Variants in DGUOK observed in about 807,000 individuals in gnomAD.
DGUOK encodes the protein deoxyguanosine kinase, mitochondrial.
In DGUOK, 30 loss-of-function variants were observed where a neutral mutation model predicts 36.6. The ratio of observed to expected loss-of-function variants is 0.82; its 90% CI spans 0.61 to 1.11. The LOEUF (loss-of-function observed/expected upper bound fraction) is 1.11. Ranked by LOEUF, DGUOK falls within the 50% of genes most tolerant of loss-of-function variation. The probability of loss-of-function intolerance (pLI) is 0.00; values close to 1 mark genes in which losing one functional copy is unlikely to be tolerated. For missense variants in DGUOK, 361 were observed against 336.4 expected (o/e 1.07, Z -0.57); for synonymous variants, 145 against 126.3 (o/e 1.15, Z -0.99).
chr2:73,934,584 C>G (rs183905428), intron 1 of DGUOK, among the ~76,000 whole-genome samples: 1 of 152,128 alleles, frequency 6.6e-6, no homozygotes, highest in East Asian at 1.9e-4. Context: ...GAAACCCTGT[C>G]TCTACTAAAA....
chr2:73,934,191 T>C (rs1185430701), intron 1 of DGUOK, among the ~76,000 whole-genome samples: 2 of 152,208 alleles, frequency 1.3e-5, no homozygotes, highest in Non-Finnish European at 2.9e-5. Flanking sequence ...TGTCAGTTTA[T>C]AGAAAATTTT....
At chr2:73,946,020 A>G (rs1184376245) in intron 2 of DGUOK, among the ~76,000 whole-genome samples, 1 of 143,966 alleles carries the variant, frequency 6.9e-6, no homozygotes, top group African/African-American at 2.6e-5. Flanking sequence ...GTGCCACTGC[A>G]CTCCAGCCTG....
At chr2:73,955,172 C>G (rs1467527097) in intron 4 of DGUOK, among the ~76,000 whole-genome samples, 1 of 152,158 alleles carries the variant, frequency 6.6e-6, no homozygotes, top group Non-Finnish European at 1.5e-5. Context: ...GGTTTGTCTG[C>G]AAGCAGTGAA....
chr2:73,936,625 A>G (rs1681485630), intron 1 of DGUOK, among the ~76,000 whole-genome samples: 1 of 152,206 alleles, frequency 6.6e-6, no homozygotes, highest in Non-Finnish European at 1.5e-5. Context: ...CTTTCCCTTG[A>G]GAAAGATTAC....
At chr2:73,950,334 C>A (rs1682616382) in intron 3 of DGUOK, among the ~76,000 whole-genome samples, 1 of 152,178 alleles carries the variant, frequency 6.6e-6, no homozygotes, top group Admixed American at 6.5e-5. Flanking sequence ...GTGAATCAAT[C>A]CATCTGGAAA....
intron 1 of DGUOK, among the ~76,000 whole-genome samples, chr2:73,931,367 C>T (rs1681023626): frequency 6.6e-6 from 1 of 152,136 alleles, no homozygotes; most frequent in Non-Finnish European, 1.5e-5. Flanking sequence ...CTCCGCTTCC[C>T]AGGTTCAAGT....
At chr2:73,939,100 GAGTAA>G in intron 2 of DGUOK, 78 bp downstream of exon 2, 1 of 953,148 alleles carries the variant, frequency 1.0e-6, no homozygotes, top group South Asian at 1.3e-5. Context: ...TACTCTCAGT[GAGTAA>G]AGTAGCCCAG....
chr2:73,928,791 C>A (rs1008919838), intron 1 of DGUOK, among the ~76,000 whole-genome samples: 19 of 152,042 alleles, frequency 1.2e-4, no homozygotes, highest in African/African-American at 4.3e-4. Flanking sequence ...TGGCTGATAA[C>A]ATTGAAAGTG....
chr2:73,938,928 T>G lies in DGUOK; in HGVS notation c.161T>G (p.Phe54Cys). 1 of 1,613,690 alleles carries G rather than the reference T, an allele frequency of 6.2e-7. No homozygotes were observed. Among genetic ancestry groups the G allele is most frequent in the Non-Finnish European group, 8.5e-7 (1 of 1,179,572 alleles). ...ATTGCAGCTGTGGGAAAGTCCACGT[T>G]TGTGAAGTTACTCACGAAAACTTAC... ...EGNIAVGKST[F>C]VKLLTKTYPE... The change falls in exon 2 of 7, where the codon TTT (phenylalanine) becomes TGT (cysteine). Residue 54 changes from phenylalanine (F) to cysteine (C), a missense_variant. Phe to Cys is a radical substitution (Grantham distance 205). Transcript: ENST00000264093.
chr2:73,958,198 GAT>G lies in DGUOK; in HGVS notation c.761_762del (p.Asp254GlyfsTer4), dbSNP rs1558670810. The G allele has an allele frequency of 6.2e-7, 1 of 1,613,772 alleles. No individual in the cohort carries two copies. The highest frequency in any genetic ancestry group is 8.5e-7 in the Non-Finnish European group (1 of 1,179,858). On this transcript the variant is annotated frameshift_variant, in exon 6 of 7. Transcript: ENST00000264093. LOFTEE classifies it high-confidence loss of function. ...NIPVLVLDVN[D>X]DFSEEVTKQE... ...TCCAGTGCTGGTGTTGGATGTCAAT[GAT>G]GATTTTTCTGAGGAAGTAACCAAAC...
At chr2:73,955,735 G>C (rs532692859) in intron 4 of DGUOK, among the ~76,000 whole-genome samples, 1 of 151,996 alleles carries the variant, frequency 6.6e-6, no homozygotes, top group Admixed American at 6.6e-5. Flanking sequence ...TTAGTTGGGC[G>C]TGGTGGCTCC....
At chr2:73,930,818 C>CAA (rs1247352635) in intron 1 of DGUOK, among the ~76,000 whole-genome samples, 1 of 103,756 alleles carries the variant, frequency 9.6e-6, no homozygotes, top group Admixed American at 1.5e-4. Context: ...TTTTTTGAGA[C>CAA]AGAGTCTTGC....
intron 1 of DGUOK, 34 bp from the exon 2 acceptor site, chr2:73,938,876 G>A (rs1681679674): frequency 1.4e-6 from 2 of 1,437,184 alleles, no homozygotes; most frequent in Non-Finnish European, 2.0e-6. Flanking sequence ...CCCTGATTTG[G>A]GAAGCATCCC....
intron 1 of DGUOK, among the ~76,000 whole-genome samples, chr2:73,935,602 A>G (rs180674772): frequency 1.3e-5 from 2 of 152,356 alleles, no homozygotes; most frequent in Non-Finnish European, 2.9e-5. Flanking sequence ...TGTGGGTGGT[A>G]CCTGGCACAG....
intron 1 of DGUOK, among the ~76,000 whole-genome samples, chr2:73,936,314 G>C (rs2104894143): frequency 6.6e-6 from 1 of 152,346 alleles, no homozygotes; most frequent in East Asian, 1.9e-4. Context: ...CCTTAGGCTT[G>C]CTGGGGGAAA....
chr2:73,936,236 A>G (rs1681452278), intron 1 of DGUOK, among the ~76,000 whole-genome samples: 1 of 152,222 alleles, frequency 6.6e-6, no homozygotes, highest in Non-Finnish European at 1.5e-5. Context: ...TAATATACAC[A>G]TTCAACCACT....
At chr2:73,940,895 A>G (rs1681849034) in intron 2 of DGUOK, among the ~76,000 whole-genome samples, 1 of 152,206 alleles carries the variant, frequency 6.6e-6, no homozygotes, top group Admixed American at 6.5e-5. Context: ...AAAATTGTCT[A>G]ACGACACATT....
chr2:73,948,243 C>T (rs1185818167), intron 3 of DGUOK, among the ~76,000 whole-genome samples: 2 of 151,976 alleles, frequency 1.3e-5, no homozygotes, highest in Non-Finnish European at 2.9e-5. Flanking sequence ...GAAACATAGT[C>T]AGTCTTTATT....
At chr2:73,932,718 C>T (rs1195802495) in intron 1 of DGUOK, 1 of 1,134,156 alleles carries the variant, frequency 8.8e-7, no homozygotes, top group East Asian at 5.9e-5. Flanking sequence ...ATTCCTTCTG[C>T]TCTAAGTCCT....
Sources: allele counts gnomAD v4.1 joint callset (sites outside exome capture counted in the v4.1 genomes callset), GRCh38; gene constraint gnomAD v4.1.1; transcripts MANE v1.5; gene names NCBI Gene and HGNC (gene_info 2026-07-23, HGNC 2026-07-21).